Variants in DGCR2 observed in about 807,000 individuals in gnomAD.
DGCR2 encodes the protein DiGeorge syndrome critical region gene 2.
DGCR2 carries 24 observed loss-of-function variants against 51.6 expected under a neutral mutation model. That is an observed-to-expected ratio of 0.47 (90% confidence interval 0.34 to 0.65). The LOEUF is 0.65. DGCR2 is among the 30% of genes least tolerant of loss of function. The pLI, the probability that DGCR2 is intolerant of heterozygous loss-of-function variation, is 0.01. For synonymous variants in DGCR2, 340 were observed against 315.4 expected (o/e 1.08, Z -0.82); for missense variants, 765 against 772.1 (o/e 0.99, Z 0.11).
chr22:19,067,260 T>G (rs948003012), intron 3 of DGCR2, among the ~76,000 whole-genome samples: 1 of 152,220 alleles, frequency 6.6e-6, no homozygotes, highest in Admixed American at 6.5e-5. Context: ...CGTACTTGGG[T>G]ACCTCGCGCC....
chr22:19,048,290 C>G, intron 7 of DGCR2, 150 bp downstream of exon 7: 1 of 812,042 alleles, frequency 1.2e-6, no homozygotes, highest in Non-Finnish European at 2.0e-6. Context: ...ATCAAAGTCT[C>G]TGAGACATCT....
chr22:19,039,065 T>C lies in DGCR2; in HGVS notation c.1453A>G (p.Ser485Gly), dbSNP rs1420581567. Reference sequence around the variant, plus strand: ...AGGCGCCGGAGTAATGCACCTTCACTCCCACCATCCCCAGGGGCTGGCAGG... The same window carrying C: ...AGGCGCCGGAGTAATGCACCTTCACCCCCACCATCCCCAGGGGCTGGCAGG... Reference protein sequence around the residue: ...VSLPAPGDGGSEGALLRRLEQ... With the variant: ...VSLPAPGDGGGEGALLRRLEQ... The change falls in exon 10 of 10, where the codon AGT becomes GGT. Residue 485 changes from serine to glycine, a missense_variant. Physicochemically the swap from Ser to Gly is moderately conservative, Grantham distance 56. Transcript: ENST00000263196. 4.3e-6 allele frequency: 7 copies of C among 1,613,134 alleles called. No homozygotes were observed. The highest frequency in any genetic ancestry group is 5.9e-6 in the Non-Finnish European group (7 of 1,179,992).
intron 1 of DGCR2, among the ~76,000 whole-genome samples, chr22:19,115,534 C>A (rs371027973): frequency 6.6e-6 from 1 of 152,230 alleles, no homozygotes; most frequent in East Asian, 1.9e-4. Flanking sequence ...TCGCCACCCC[C>A]ACCAGAGGCA....
chr22:19,040,102 C>A (rs2082414974), intron 9 of DGCR2, among the ~76,000 whole-genome samples: 1 of 152,184 alleles, frequency 6.6e-6, no homozygotes, highest in South Asian at 2.1e-4. Context: ...CCCTCACAGC[C>A]CCCACCCTGC....
intron 1 of DGCR2, among the ~76,000 whole-genome samples, chr22:19,105,892 C>T (rs758663699): frequency 6.6e-6 from 1 of 152,024 alleles, no homozygotes. Context: ...CTAACCTTCC[C>T]GCAAAGCCCC....
At chr22:19,091,403 C>T (rs992731483) in intron 1 of DGCR2, among the ~76,000 whole-genome samples, 53 of 152,002 alleles carry the variant, frequency 3.5e-4, no homozygotes, top group African/African-American at 1.2e-3. Context: ...ACAAAGTAGA[C>T]TTCAGTGCAA....
chr22:19,069,433 A>G (rs1365113884), intron 2 of DGCR2, among the ~76,000 whole-genome samples: 4 of 152,230 alleles, frequency 2.6e-5, no homozygotes, highest in African/African-American at 9.6e-5. Flanking sequence ...GAAATGCTTG[A>G]AAAATACAAA....
intron 7 of DGCR2, among the ~76,000 whole-genome samples, chr22:19,044,652 A>ATGCATCAAG (rs1394651534): frequency 1.5e-4 from 23 of 152,324 alleles, no homozygotes; most frequent in African/African-American, 4.8e-4. Context: ...CCAGCACTTG[A>ATGCATCAAG]TGCTATCAGT....
At chr22:19,067,397 A>T (rs995807935) in intron 3 of DGCR2, among the ~76,000 whole-genome samples, 6 of 151,960 alleles carry the variant, frequency 3.9e-5, no homozygotes, top group African/African-American at 9.7e-5. Context: ...CACCTTAAAA[A>T]TTTTTCTTAA....
intron 1 of DGCR2, among the ~76,000 whole-genome samples, chr22:19,098,083 T>TA (rs935137360): frequency 1.5e-4 from 22 of 150,180 alleles, no homozygotes; most frequent in East Asian, 3.9e-4. Flanking sequence ...TCCAGACTTT[T>TA]AAAAAAAAAA....
chr22:19,100,812 CTG>C (rs1006341723), intron 1 of DGCR2, among the ~76,000 whole-genome samples: 2 of 152,058 alleles, frequency 1.3e-5, no homozygotes, highest in Non-Finnish European at 2.9e-5. Flanking sequence ...GAAATTAAAA[CTG>C]AGAAATTTGG....
At chr22:19,084,322 C>G (rs2082980984) in intron 2 of DGCR2, among the ~76,000 whole-genome samples, 1 of 151,836 alleles carries the variant, frequency 6.6e-6, no homozygotes, top group Non-Finnish European at 1.5e-5. Context: ...GGGAGCGCCT[C>G]TGCCCCGCCG....
chr22:19,114,953 A>G (rs781400952), intron 1 of DGCR2, among the ~76,000 whole-genome samples: 5 of 152,176 alleles, frequency 3.3e-5, no homozygotes, highest in Non-Finnish European at 7.3e-5. Context: ...CCAAACTGAT[A>G]GCTGTCTGCC....
chr22:19,057,044 G>A lies in DGCR2; in HGVS notation c.744C>T (p.Asp248=). The A allele has an allele frequency of 6.3e-7, 1 of 1,598,050 alleles. No individual in the cohort carries two copies. Among genetic ancestry groups the A allele is most frequent in the Non-Finnish European group, 8.5e-7 (1 of 1,172,334 alleles). Residue 248 remains aspartate (D), a synonymous_variant, in exon 6 of 10, where the codon GAC becomes GAT. Transcript: ENST00000263196. This position sits in a 1 kb window ranked among gnomAD's most constrained non-coding sequence, Gnocchi z 5.1. ...AGCTCTCGGCGTGCCAGCTGTGGAG[G>A]TCGTGGTGCCGCAGGGTGGGGAAAT... ...CFHFPTLRHH[D]LHSWHAESCY... is the part of the protein sequence containing the mutation.
intron 1 of DGCR2, among the ~76,000 whole-genome samples, chr22:19,104,490 G>A (rs2146039515): frequency 6.6e-6 from 1 of 152,278 alleles, no homozygotes. Context: ...AGAACAAGAG[G>A]GAGACAGAGT....
intron 1 of DGCR2, among the ~76,000 whole-genome samples, chr22:19,111,629 C>A (rs1010494186): frequency 1.3e-5 from 2 of 152,026 alleles, no homozygotes; most frequent in African/African-American, 2.4e-5. Context: ...TAGAACTATA[C>A]CCAAACTCCC....
intron 5 of DGCR2, among the ~76,000 whole-genome samples, chr22:19,059,602 A>C (rs1601526527): frequency 1.3e-5 from 2 of 150,336 alleles, no homozygotes; most frequent in South Asian, 4.3e-4. Flanking sequence ...CCAAGACACT[A>C]CTCCTCACCC....
rs373078532 is a variant in DGCR2, at chr22:19,041,844, C to A, written c.1122G>T (p.Arg374=). Residue 374 remains arginine (R), a synonymous_variant, in exon 8 of 10, where the codon CGG becomes CGT. Coordinates refer to ENST00000263196, the MANE Select transcript of DGCR2 (RefSeq NM_005137.3). ...LLFMVHRLRQ[R]RRERIESLIG... is the part of the protein sequence containing the mutation. ...TCAGGGACTCGATGCGCTCCCGGCG[C>A]CGCTGGCGCAGCCGGTGGACCATGA... is the stretch of plus-strand genomic sequence containing the variant. The A allele has an allele frequency of 2.8e-5, 45 of 1,612,986 alleles. No individual in the cohort carries two copies. Among genetic ancestry groups the A allele is most frequent in the Non-Finnish European group, 3.6e-5 (43 of 1,179,920 alleles).
chr22:19,071,995 T>C (rs1276405715), intron 2 of DGCR2, among the ~76,000 whole-genome samples: 1 of 152,118 alleles, frequency 6.6e-6, no homozygotes, highest in African/African-American at 2.4e-5. Context: ...TTTATTGCAC[T>C]ATGATTATGA....
Sources: gnomAD v4.1 joint callset for allele counts (sites outside exome capture counted in the v4.1 genomes callset) on GRCh38, gnomAD v4.1.1 for gene constraint, Gnocchi (gnomAD v3.1) non-coding constraint, MANE v1.5 for transcripts, NCBI Gene and HGNC (gene_info 2026-07-23, HGNC 2026-07-21) for gene names.